Variants in METTL15 observed in about 807,000 individuals in gnomAD.
METTL15 encodes the protein 12S rRNA N(4)-cytidine methyltransferase METTL15.
Under a neutral mutation model 38.3 loss-of-function variants are expected in METTL15, and 34 were observed. The ratio of observed to expected loss-of-function variants is 0.89; its 90% CI spans 0.68 to 1.18. The LOEUF is 1.18. Among genes scored for constraint, METTL15 ranks in the 50% most tolerant of loss-of-function variants. The pLI is 0.00. For synonymous variants in METTL15, 162 were observed against 170.9 expected (o/e 0.95, Z 0.41); for missense variants, 438 against 498.4 (o/e 0.88, Z 1.15).
intron 3 of METTL15, among the ~76,000 whole-genome samples, chr11:28,128,888 T>C (rs553760766): frequency 5.9e-5 from 9 of 152,340 alleles, no homozygotes; most frequent in African/African-American, 2.2e-4. Flanking sequence ...AGAGTACAAA[T>C]ACATTAAATT....
chr11:28,379,616 T>A (rs991091332), intron 5 of METTL15, among the ~76,000 whole-genome samples: 2 of 152,212 alleles, frequency 1.3e-5, no homozygotes, highest in Non-Finnish European at 2.9e-5. Context: ...TGAACTTGTT[T>A]TGAGGCCTAC....
intron 6 of METTL15, among the ~76,000 whole-genome samples, chr11:28,513,053 A>G (rs1013043589): frequency 2.0e-5 from 3 of 151,568 alleles, no homozygotes; most frequent in East Asian, 1.9e-4. Flanking sequence ...TGCATAGTTC[A>G]AACTCATGTT....
chr11:28,218,593 G>A (rs572000691), intron 4 of METTL15, among the ~76,000 whole-genome samples: 109 of 152,170 alleles, frequency 7.2e-4, no homozygotes, highest in African/African-American at 2.3e-3. Context: ...TTCCAACACT[G>A]TGTTGAATAG....
chr11:28,208,678 T>C (rs1206089072), intron 3 of METTL15, among the ~76,000 whole-genome samples: 3 of 152,138 alleles, frequency 2.0e-5, no homozygotes, highest in African/African-American at 7.2e-5. Context: ...TAACTTTTTG[T>C]CTCCTTGATC....
rs1849841416 is a variant in METTL15, at chr11:28,332,452, C to T, written c.*1611C>T. The T allele has an allele frequency of 6.6e-6, 1 of 151,936 alleles. No individual in the cohort carries two copies. The highest frequency in any genetic ancestry group is 2.1e-4 in the South Asian group (1 of 4,824). The allele number at this position is 151,936 out of a possible 1,614,324, so 9.4% of individuals were successfully genotyped here. On this transcript the variant is annotated 3_prime_UTR_variant, in exon 7 of 7. Coordinates refer to ENST00000407364, the MANE Select transcript of METTL15 (RefSeq NM_001113528.2). ...TCACCTATTTCATAAGTCATTTTTT[C>T]ACCCTGTATAGTATGGGAATTATTT... is the stretch of plus-strand genomic sequence containing the variant.
chr11:28,192,169 A>G (rs1417129556), intron 3 of METTL15, among the ~76,000 whole-genome samples: 2 of 151,776 alleles, frequency 1.3e-5, no homozygotes, highest in Non-Finnish European at 1.5e-5. Flanking sequence ...TATGTCATAT[A>G]ATACTTGATA....
At chr11:28,251,941 C>T (rs534568280) in intron 4 of METTL15, among the ~76,000 whole-genome samples, 1 of 152,224 alleles carries the variant, frequency 6.6e-6, no homozygotes, top group East Asian at 1.9e-4. Flanking sequence ...CTGGGCAAAA[C>T]TGTCACATTT....
chr11:28,477,205 G>A (rs982771923), intron 6 of METTL15, among the ~76,000 whole-genome samples: 3 of 152,038 alleles, frequency 2.0e-5, no homozygotes, highest in South Asian at 2.1e-4. Context: ...CTTTTTTTGA[G>A]ATGGCGTCTC....
chr11:28,412,507 A>T (rs905779233), intron 5 of METTL15, among the ~76,000 whole-genome samples: 8 of 152,028 alleles, frequency 5.3e-5, no homozygotes, highest in African/African-American at 1.9e-4. Context: ...TGATACATAT[A>T]TCACTTTCCA....
At chr11:28,368,519 T>C (rs900664292) in intron 5 of METTL15, among the ~76,000 whole-genome samples, 2 of 152,092 alleles carry the variant, frequency 1.3e-5, no homozygotes, top group Admixed American at 1.3e-4. Context: ...CTGGAGAGGA[T>C]GGGGAGAAAT....
chr11:28,207,074 T>G (rs1238518480), intron 3 of METTL15, among the ~76,000 whole-genome samples: 3 of 145,118 alleles, frequency 2.1e-5, no homozygotes, highest in African/African-American at 7.9e-5. Flanking sequence ...TTTGACTTCT[T>G]CTTTTCCTAA....
chr11:28,230,733 T>A (rs537310422), intron 4 of METTL15, among the ~76,000 whole-genome samples: 27 of 152,062 alleles, frequency 1.8e-4, no homozygotes, highest in Non-Finnish European at 3.5e-4. Context: ...CCCCCCATTT[T>A]TGCCTGATAT....
At chr11:28,204,729 T>C (rs1455853461) in intron 3 of METTL15, among the ~76,000 whole-genome samples, 2 of 151,968 alleles carry the variant, frequency 1.3e-5, no homozygotes, top group East Asian at 3.9e-4. Context: ...CCTTCATGAT[T>C]GTAATGATGA....
At chr11:28,469,393 A>G (rs1851284708) in intron 6 of METTL15, among the ~76,000 whole-genome samples, 1 of 152,202 alleles carries the variant, frequency 6.6e-6, no homozygotes, top group Non-Finnish European at 1.5e-5. Flanking sequence ...CCATCGGCAC[A>G]CATAGTAGTC....
intron 6 of METTL15, among the ~76,000 whole-genome samples, chr11:28,466,744 C>A (rs559369252): frequency 1.3e-5 from 2 of 152,124 alleles, no homozygotes; most frequent in African/African-American, 4.8e-5. Context: ...TCTGCTCTGC[C>A]GCAGGCTAGT....
At chr11:28,366,862 T>C (rs762397712) in intron 5 of METTL15, among the ~76,000 whole-genome samples, 5 of 152,116 alleles carry the variant, frequency 3.3e-5, no homozygotes, top group Non-Finnish European at 7.4e-5. Context: ...CAACAATATA[T>C]AGTCCAAAAG....
At chr11:28,344,283 A>C (rs1448791329) in intron 3 of METTL15, among the ~76,000 whole-genome samples, 1 of 152,196 alleles carries the variant, frequency 6.6e-6, no homozygotes, top group African/African-American at 2.4e-5. Context: ...ATGGATGACT[A>C]TGTAACAGTA....
intron 6 of METTL15, among the ~76,000 whole-genome samples, chr11:28,319,381 C>G (rs997020352): frequency 2.0e-5 from 3 of 151,546 alleles, no homozygotes; most frequent in African/African-American, 7.3e-5. Flanking sequence ...TTTGAGCACC[C>G]AGAAACGGAA....
At chr11:28,381,760 G>T (rs1418300725) in intron 5 of METTL15, among the ~76,000 whole-genome samples, 1 of 152,028 alleles carries the variant, frequency 6.6e-6, no homozygotes, top group Non-Finnish European at 1.5e-5. Flanking sequence ...TTTCTGAATT[G>T]CTTTTCTGTG....
Sources: gnomAD v4.1 joint callset for allele counts (sites outside exome capture counted in the v4.1 genomes callset) on GRCh38, gnomAD v4.1.1 for gene constraint, MANE v1.5 for transcripts, NCBI Gene and HGNC (gene_info 2026-07-23, HGNC 2026-07-21) for gene names.